SNTG1: variants seen among roughly 807,000 people sequenced by gnomAD.
SNTG1 encodes the protein gamma-1-syntrophin.
A neutral mutation model predicts 74.7 loss-of-function variants in SNTG1; 39 were observed. That is an observed-to-expected ratio of 0.52 (90% CI 0.40 to 0.68). SNTG1 has a LOEUF of 0.68. SNTG1 is among the 30% of genes least tolerant of loss of function. SNTG1 has a pLI of 0.00. For synonymous variants in SNTG1, 254 were observed against 217.1 expected (o/e 1.17, Z -1.49); for missense variants, 685 against 609.5 (o/e 1.12, Z -1.30).
At chr8:50,071,476 T>G (rs990046855) in intron 1 of SNTG1, among the ~76,000 whole-genome samples, 4 of 152,148 alleles carry the variant, frequency 2.6e-5, no homozygotes, top group African/African-American at 9.7e-5. Context: ...TACATATACA[T>G]ATACATATTT....
At chr8:50,107,813 A>C (rs898150584) in intron 1 of SNTG1, among the ~76,000 whole-genome samples, 5 of 152,130 alleles carry the variant, frequency 3.3e-5, no homozygotes, top group African/African-American at 1.2e-4. Flanking sequence ...AGCCGCCCAA[A>C]GTGCTGGGAT....
chr8:49,962,781 T>C (rs1302730990), intron 1 of SNTG1, among the ~76,000 whole-genome samples: 2 of 152,086 alleles, frequency 1.3e-5, no homozygotes, highest in Non-Finnish European at 2.9e-5. Context: ...TTAGTAGAAA[T>C]GGAATTTCAC....
intron 1 of SNTG1, among the ~76,000 whole-genome samples, chr8:49,927,970 G>A (rs1056031325): frequency 2.6e-5 from 4 of 150,978 alleles, no homozygotes; most frequent in African/African-American, 9.7e-5. Flanking sequence ...TAAAATAATA[G>A]TAACAAAAAT....
chr8:50,696,101 C>T (rs2095404141), intron 15 of SNTG1, among the ~76,000 whole-genome samples: 1 of 151,944 alleles, frequency 6.6e-6, no homozygotes, highest in Non-Finnish European at 1.5e-5. Flanking sequence ...ATAAGCATTT[C>T]CTTTTCTCTA....
intron 15 of SNTG1, among the ~76,000 whole-genome samples, chr8:50,691,357 A>G (rs2095378331): frequency 6.6e-6 from 1 of 152,114 alleles, no homozygotes; most frequent in Admixed American, 6.5e-5. Context: ...TGGTCTTTAC[A>G]ATTTGGCATA....
chr8:50,257,734 A>G (rs1413543355), intron 2 of SNTG1, among the ~76,000 whole-genome samples: 1 of 152,230 alleles, frequency 6.6e-6, no homozygotes, highest in Non-Finnish European at 1.5e-5. Flanking sequence ...TAACCAGGAA[A>G]GAGGACAGCT....
chr8:50,435,480 T>C (rs2093292022), intron 4 of SNTG1, among the ~76,000 whole-genome samples: 1 of 152,118 alleles, frequency 6.6e-6, no homozygotes, highest in Non-Finnish European at 1.5e-5. Flanking sequence ...TTTTATTACG[T>C]CTATTTTGGG....
intron 2 of SNTG1, among the ~76,000 whole-genome samples, chr8:50,391,850 T>A (rs2092666211): frequency 6.6e-6 from 1 of 152,068 alleles, no homozygotes; most frequent in South Asian, 2.1e-4. Flanking sequence ...ATCGTCCCCC[T>A]CCAAAACCCC....
chr8:49,963,073 T>A (rs1423620662), intron 1 of SNTG1, among the ~76,000 whole-genome samples: 1 of 152,192 alleles, frequency 6.6e-6, no homozygotes, highest in African/African-American at 2.4e-5. Context: ...GCACCTCCTG[T>A]AGTTGTAGCA....
chr8:50,429,255 G>A (rs1168963836), intron 4 of SNTG1, among the ~76,000 whole-genome samples: 2 of 151,910 alleles, frequency 1.3e-5, no homozygotes, highest in African/African-American at 4.8e-5. Context: ...ACTATGAATA[G>A]ACAGTAATCT....
At chr8:50,711,236 ATATC>A (rs1211128640) in intron 17 of SNTG1, among the ~76,000 whole-genome samples, 2 of 152,190 alleles carry the variant, frequency 1.3e-5, no homozygotes, top group Non-Finnish European at 2.9e-5. Flanking sequence ...AAAATAAATA[ATATC>A]TAGTTATTTT....
chr8:50,449,105 T>C (rs1337620057), intron 5 of SNTG1, among the ~76,000 whole-genome samples: 4 of 152,188 alleles, frequency 2.6e-5, no homozygotes, highest in African/African-American at 9.7e-5. Flanking sequence ...TGGCAGTATG[T>C]TTTACTCTGC....
At chr8:49,964,846 T>C (rs7822276) in intron 1 of SNTG1, among the ~76,000 whole-genome samples, 3,200 of 152,332 alleles carry the variant, frequency 0.021, 115 homozygotes, top group African/African-American at 0.071. Context: ...GGAATTATTC[T>C]CAGTATAATT....
chr8:50,709,221 G>T lies in SNTG1; in HGVS notation c.1284+243G>T, dbSNP rs1025728791. The T allele has an allele frequency of 1.7e-5, 8 of 462,480 alleles. No individual in the cohort carries two copies. In the South Asian group the frequency reaches 4.1e-4, roughly 24 times the overall value. 28.6% of individuals were successfully genotyped at this position (462,480 alleles called of 1,614,324 possible). On this transcript the variant is annotated intron_variant, in intron 17 of 18. Coordinates refer to ENST00000642720, the MANE Select transcript of SNTG1 (RefSeq NM_018967.5). ...AGTATTTATTTATAAGTCTATCTAT[G>T]TATGTATCTATCTATCAATCATTTC...
chr8:50,659,706 A>G (rs1166291557), intron 15 of SNTG1, among the ~76,000 whole-genome samples: 1 of 152,218 alleles, frequency 6.6e-6, no homozygotes, highest in Non-Finnish European at 1.5e-5. Flanking sequence ...TGGTGGAAGG[A>G]CAACCTGAAA....
intron 2 of SNTG1, among the ~76,000 whole-genome samples, chr8:50,362,702 A>G (rs2091993812): frequency 6.6e-6 from 1 of 152,112 alleles, no homozygotes; most frequent in African/African-American, 2.4e-5. Context: ...TATGTTTATT[A>G]GGATTTTAGG....
chr8:50,226,480 C>A (rs1431985442), intron 2 of SNTG1, among the ~76,000 whole-genome samples: 1 of 152,078 alleles, frequency 6.6e-6, no homozygotes, highest in Non-Finnish European at 1.5e-5. Flanking sequence ...TTTTAAAGAT[C>A]TGAATAGGAA....
chr8:50,056,698 C>A (rs1182282818), intron 1 of SNTG1, among the ~76,000 whole-genome samples: 6 of 152,166 alleles, frequency 3.9e-5, no homozygotes, highest in African/African-American at 1.4e-4. Context: ...TATGTAAAGT[C>A]TTTTAGAACA....
chr8:50,756,422 A>T (rs1045617851), intron 18 of SNTG1, among the ~76,000 whole-genome samples: 37 of 151,764 alleles, frequency 2.4e-4, no homozygotes, highest in African/African-American at 8.5e-4. Context: ...TTTGGAATTA[A>T]TTTTTGTGAA....
Sources: gnomAD v4.1 joint callset for allele counts (sites outside exome capture counted in the v4.1 genomes callset) on GRCh38, gnomAD v4.1.1 for gene constraint, MANE v1.5 for transcripts, NCBI Gene and HGNC (gene_info 2026-07-23, HGNC 2026-07-21) for gene names.